The following ITFG1 variants were observed in gnomAD, a reference collection of about 807,000 sequenced individuals.
The protein encoded by ITFG1 is T-cell immunomodulatory protein.
In ITFG1, 34 loss-of-function variants were observed where a neutral mutation model predicts 81.8. That is an observed-to-expected ratio of 0.42 (90% CI 0.32 to 0.55). The LOEUF (loss-of-function observed/expected upper bound fraction) is 0.55, where lower values mean the gene tolerates loss of function less well. Among genes scored for constraint, ITFG1 ranks in the 20% least tolerant of loss-of-function variants. The probability of loss-of-function intolerance (pLI) is 0.17; values close to 1 mark genes in which losing one functional copy is unlikely to be tolerated. For synonymous variants in ITFG1, 285 were observed against 270.6 expected, an observed-to-expected ratio of 1.05 and a Z score of -0.52; for missense variants, 672 against 755.4, an observed-to-expected ratio of 0.89 and a Z score of 1.29.
intron 6 of ITFG1, among the ~76,000 whole-genome samples, chr16:47,418,457 G>A (rs1259642374): frequency 6.6e-6 from 1 of 151,986 alleles, no homozygotes. Context: ...TGAACTCCTA[G>A]CCATAAAATC....
chr16:47,335,188 C>T (rs1468981241), intron 8 of ITFG1, among the ~76,000 whole-genome samples: 1 of 152,116 alleles, frequency 6.6e-6, no homozygotes, highest in Non-Finnish European at 1.5e-5. Flanking sequence ...GAAACCCTGT[C>T]TCTACTAAAA....
chr16:47,166,763 G>GAGAACATC (rs1555501697), intron 14 of ITFG1, among the ~76,000 whole-genome samples: 1 of 1,024 alleles, frequency 9.8e-4, no homozygotes, highest in Non-Finnish European at 2.4e-3. Flanking sequence ...GAATGCTTTA[G>GAGAACATC]TTTGCACCCA....
At chr16:47,390,964 A>G (rs1489874706) in intron 6 of ITFG1, among the ~76,000 whole-genome samples, 1 of 152,122 alleles carries the variant, frequency 6.6e-6, no homozygotes, top group Non-Finnish European at 1.5e-5. Flanking sequence ...TATAATTTTT[A>G]TATGAAGTTG....
intron 8 of ITFG1, among the ~76,000 whole-genome samples, chr16:47,337,283 G>T (rs1967719002): frequency 6.6e-6 from 1 of 151,534 alleles, no homozygotes; most frequent in Non-Finnish European, 1.5e-5. Flanking sequence ...CTTTAAAAAA[G>T]AATCACAGCC....
intron 12 of ITFG1, among the ~76,000 whole-genome samples, chr16:47,250,762 G>T (rs1368576721): frequency 1.3e-5 from 2 of 152,214 alleles, no homozygotes; most frequent in African/African-American, 4.8e-5. Context: ...AGGTGAGTAG[G>T]ATTGAGAAAG....
intron 10 of ITFG1, among the ~76,000 whole-genome samples, chr16:47,303,878 C>T (rs529438941): frequency 2.6e-5 from 4 of 152,272 alleles, no homozygotes; most frequent in African/African-American, 9.6e-5. Context: ...GATCCTCTCA[C>T]CTTGGCCTCT....
chr16:47,217,538 A>G (rs1965639306), intron 14 of ITFG1, among the ~76,000 whole-genome samples: 1 of 152,232 alleles, frequency 6.6e-6, no homozygotes, highest in African/African-American at 2.4e-5. Flanking sequence ...AAGGTTTAAT[A>G]TGTACATGAA....
At chr16:47,454,255 T>A in intron 2 of ITFG1, 97 bp from the exon 3 acceptor site, 1 of 1,039,662 alleles carries the variant, frequency 9.6e-7, no homozygotes, top group Non-Finnish European at 1.5e-6. Flanking sequence ...ATGAAAAACT[T>A]AAAACTTAAC....
chr16:47,203,071 G>T (rs573850669), intron 14 of ITFG1, among the ~76,000 whole-genome samples: 6 of 152,134 alleles, frequency 3.9e-5, no homozygotes, highest in African/African-American at 1.4e-4. Context: ...GCAGGATTAC[G>T]ATAGCCAAAA....
At chr16:47,440,972 C>G (rs2151614465) in intron 5 of ITFG1, among the ~76,000 whole-genome samples, 1 of 152,180 alleles carries the variant, frequency 6.6e-6, no homozygotes, top group Non-Finnish European at 1.5e-5. Flanking sequence ...AGAGAAGAAT[C>G]AAATAGACGC....
intron 14 of ITFG1, among the ~76,000 whole-genome samples, chr16:47,169,719 G>A (rs1964935350): frequency 6.6e-6 from 1 of 152,098 alleles, no homozygotes; most frequent in Non-Finnish European, 1.5e-5. Context: ...CCAGTAAAAA[G>A]GTGAATAGCA....
At chr16:47,253,722 G>C (rs984959751) in intron 12 of ITFG1, among the ~76,000 whole-genome samples, 4 of 152,302 alleles carry the variant, frequency 2.6e-5, no homozygotes, top group Non-Finnish European at 5.9e-5. Context: ...GTGCTCCTAT[G>C]AGAATCTAAT....
chr16:47,406,596 T>C (rs1567489156), intron 6 of ITFG1, among the ~76,000 whole-genome samples: 2 of 152,226 alleles, frequency 1.3e-5, no homozygotes, highest in Non-Finnish European at 1.5e-5. Flanking sequence ...TGGCAGGCAC[T>C]GTTCTGGGCA....
At chr16:47,304,326 T>C (rs888598082) in intron 10 of ITFG1, among the ~76,000 whole-genome samples, 4 of 152,150 alleles carry the variant, frequency 2.6e-5, no homozygotes, top group Non-Finnish European at 4.4e-5. Flanking sequence ...TCAGGGTAGG[T>C]ATAACCACCT....
At chr16:47,283,617 G>T (rs1485484587) in intron 10 of ITFG1, among the ~76,000 whole-genome samples, 1 of 152,206 alleles carries the variant, frequency 6.6e-6, no homozygotes, top group Non-Finnish European at 1.5e-5. Flanking sequence ...TAAGAAGCTG[G>T]AAAAGGCAGG....
intron 5 of ITFG1, among the ~76,000 whole-genome samples, chr16:47,451,147 A>C (rs1204777127): frequency 1.3e-5 from 2 of 152,210 alleles, no homozygotes; most frequent in Non-Finnish European, 2.9e-5. Flanking sequence ...CATTTAATGA[A>C]CCAATATTTA....
At chr16:47,432,342 G>T (rs1596980286) in intron 5 of ITFG1, among the ~76,000 whole-genome samples, 1 of 152,192 alleles carries the variant, frequency 6.6e-6, no homozygotes, top group African/African-American at 2.4e-5. Context: ...AGCAAACAAG[G>T]TTTATAATTG....
In ITFG1 at chr16:47,307,265, G is replaced by T. The variant is rs528448826; in HGVS notation, c.1070+3975C>A. On this transcript the variant is annotated intron_variant, in intron 10 of 17. Transcript: ENST00000320640. ...GCAACTTTATACCTATAAATTTAGT[G>T]TGTAAGGGTATTTATTAAAACTTTA... Among the ~76,000 whole-genome samples the T allele has an allele frequency of 3.9e-5, 6 of 152,116 alleles. No individual in the cohort carries two copies. In the South Asian group the frequency reaches 1.2e-3, roughly 32 times the overall value.
intron 10 of ITFG1, among the ~76,000 whole-genome samples, chr16:47,268,449 C>T (rs537033173): frequency 6.6e-6 from 1 of 152,154 alleles, no homozygotes; most frequent in African/African-American, 2.4e-5. Context: ...AAATAATACA[C>T]GTACTACACA....
Sources: gnomAD v4.1 joint callset for allele counts (sites outside exome capture counted in the v4.1 genomes callset) on GRCh38, gnomAD v4.1.1 for gene constraint, MANE v1.5 for transcripts, NCBI Gene and HGNC (gene_info 2026-07-23, HGNC 2026-07-21) for gene names.